CSMD1: variants seen among roughly 807,000 people sequenced by gnomAD.
The protein encoded by CSMD1 is CUB and sushi domain-containing protein 1.
CSMD1 carries 213 observed loss-of-function variants against 417.5 expected under a neutral mutation model. The ratio of observed to expected loss-of-function variants is 0.51; its 90% CI spans 0.46 to 0.57. The LOEUF (loss-of-function observed/expected upper bound fraction) is 0.57. CSMD1 is among the 20% of genes least tolerant of loss of function. The pLI, the probability that CSMD1 is intolerant of heterozygous loss-of-function variation, is 0.00. For synonymous variants in CSMD1, 2,862 were observed against 1,736.8 expected, an observed-to-expected ratio of 1.65 and a Z score of -16.11; for missense variants, 6,923 against 4,529.7, an observed-to-expected ratio of 1.53 and a Z score of -15.17.
chr8:2,997,355 CG>C (rs1350375632), intron 54 of CSMD1, among the ~76,000 whole-genome samples: 2 of 152,186 alleles, frequency 1.3e-5, no homozygotes, highest in African/African-American at 4.8e-5. Flanking sequence ...AGATAGCTCC[CG>C]TGGGAGCCCT....
intron 49 of CSMD1, among the ~76,000 whole-genome samples, chr8:3,054,431 A>G (rs1327337535): frequency 1.3e-5 from 2 of 152,190 alleles, no homozygotes; most frequent in Non-Finnish European, 2.9e-5. Flanking sequence ...TAGCCTGGGC[A>G]ACATGGTGAA....
chr8:4,149,368 G>A (rs186299960), intron 3 of CSMD1, among the ~76,000 whole-genome samples: 11 of 152,198 alleles, frequency 7.2e-5, no homozygotes, highest in Non-Finnish European at 8.8e-5. Context: ...ATACACTTTG[G>A]TATAATAAAA....
chr8:2,941,634 A>G (rs1052191315), intron 69 of CSMD1, among the ~76,000 whole-genome samples: 4 of 152,258 alleles, frequency 2.6e-5, no homozygotes, highest in South Asian at 2.1e-4. Flanking sequence ...CTGGTTCACT[A>G]AAGTTGTTTG....
intron 7 of CSMD1, among the ~76,000 whole-genome samples, chr8:3,634,585 G>A (rs767016445): frequency 6.6e-6 from 1 of 152,070 alleles, no homozygotes; most frequent in Non-Finnish European, 1.5e-5. Flanking sequence ...CCATAGCCAT[G>A]CACATAATGA....
intron 1 of CSMD1, among the ~76,000 whole-genome samples, chr8:4,834,832 C>A (rs1365563409): frequency 6.6e-6 from 1 of 150,864 alleles, no homozygotes; most frequent in Non-Finnish European, 1.5e-5. Flanking sequence ...TGGTGGGCGC[C>A]TGTAATCCCA....
chr8:3,166,854 T>G (rs1820251612), intron 37 of CSMD1, among the ~76,000 whole-genome samples: 1 of 152,198 alleles, frequency 6.6e-6, no homozygotes, highest in Non-Finnish European at 1.5e-5. Context: ...CAGAGATATC[T>G]GGGAAAAAGT....
At chr8:3,649,212 C>A (rs1797724502) in intron 7 of CSMD1, among the ~76,000 whole-genome samples, 1 of 152,084 alleles carries the variant, frequency 6.6e-6, no homozygotes, top group African/African-American at 2.4e-5. Context: ...CATAAGTCTT[C>A]CGATATTTTC....
chr8:4,447,690 T>G (rs747725703), intron 2 of CSMD1, among the ~76,000 whole-genome samples: 39 of 152,286 alleles, frequency 2.6e-4, no homozygotes, highest in East Asian at 5.8e-4. Flanking sequence ...ACCTCTTGTT[T>G]TAGAAAGTGC....
chr8:3,497,226 C>T (rs1499684), intron 10 of CSMD1, among the ~76,000 whole-genome samples: 9 of 151,706 alleles, frequency 5.9e-5, no homozygotes, highest in Non-Finnish European at 1.3e-4. Context: ...TAATCTGTTC[C>T]ATGCTGAGAG....
chr8:2,973,855 A>ATGGTAGATGATGG (rs1804678839), intron 56 of CSMD1, among the ~76,000 whole-genome samples: 1 of 138,786 alleles, frequency 7.2e-6, no homozygotes, highest in African/African-American at 3.0e-5. Flanking sequence ...GTAGAGGATG[A>ATGGTAGATGATGG]TGGTAGAGGA....
chr8:3,547,829 C>G lies in CSMD1; in HGVS notation c.1344+27116G>C, dbSNP rs922596873. Among the ~76,000 whole-genome samples the G allele has an allele frequency of 3.3e-5, 5 of 152,024 alleles. No individual in the cohort carries two copies. In the South Asian group the frequency reaches 1.0e-3, roughly 31 times the overall value. On this transcript the variant is annotated intron_variant, in intron 10 of 69. Transcript: ENST00000635120. ...AATAAAATGATTAAAGACATGCAAA[C>G]AAAGTTTTTTAAAAGGAATTTCGCT... is the stretch of plus-strand genomic sequence containing the variant.
chr8:4,484,573 C>G (rs1353875313), intron 2 of CSMD1, among the ~76,000 whole-genome samples: 1 of 152,118 alleles, frequency 6.6e-6, no homozygotes, highest in East Asian at 1.9e-4. Flanking sequence ...AGATTCATCA[C>G]TCGCTCTCTC....
At chr8:3,127,473 T>C (rs1585417717) in intron 41 of CSMD1, 1 of 152,330 alleles carries the variant, frequency 6.6e-6, no homozygotes, top group South Asian at 2.1e-4. Context: ...ATTGTTCAGA[T>C]GTTCATTGTG....
At chr8:4,930,438 G>A (rs1359866280) in intron 1 of CSMD1, among the ~76,000 whole-genome samples, 5 of 152,002 alleles carry the variant, frequency 3.3e-5, no homozygotes, top group Non-Finnish European at 7.4e-5. Context: ...GGCGCTTAAA[G>A]AGAAATTTGA....
chr8:4,811,170 C>G (rs1463819446), intron 1 of CSMD1, among the ~76,000 whole-genome samples: 1 of 152,174 alleles, frequency 6.6e-6, no homozygotes, highest in African/African-American at 2.4e-5. Flanking sequence ...TCAACCATCA[C>G]TGCTTCATTA....
At chr8:4,615,597 C>A (rs2130801595) in intron 2 of CSMD1, among the ~76,000 whole-genome samples, 1 of 152,180 alleles carries the variant, frequency 6.6e-6, no homozygotes, top group South Asian at 2.1e-4. Context: ...TCATTCAAAG[C>A]AAAAGAGGCG....
intron 30 of CSMD1, among the ~76,000 whole-genome samples, chr8:3,208,865 T>C (rs1284402787): frequency 2.0e-5 from 3 of 152,192 alleles, no homozygotes; most frequent in Non-Finnish European, 4.4e-5. Context: ...TTCTTCAGTT[T>C]TGGGACTCGG....
chr8:3,955,760 T>C (rs1019182131), intron 5 of CSMD1, among the ~76,000 whole-genome samples: 2 of 152,282 alleles, frequency 1.3e-5, no homozygotes, highest in Admixed American at 6.5e-5. Flanking sequence ...GTCAAATACA[T>C]AGAAACCCAG....
intron 23 of CSMD1, among the ~76,000 whole-genome samples, chr8:3,326,339 T>C (rs1199644622): frequency 6.6e-6 from 1 of 152,246 alleles, no homozygotes; most frequent in Non-Finnish European, 1.5e-5. Context: ...TTTCTTACAA[T>C]GGTCATCGTG....
Sources: gnomAD v4.1 joint callset for allele counts (sites outside exome capture counted in the v4.1 genomes callset) on GRCh38, gnomAD v4.1.1 for gene constraint, MANE v1.5 for transcripts, NCBI Gene and HGNC (gene_info 2026-07-23, HGNC 2026-07-21) for gene names.